Variants in PARN observed in about 807,000 individuals in gnomAD.
PARN encodes poly(A)-specific ribonuclease PARN.
Under a neutral mutation model 102.8 loss-of-function variants are expected in PARN, and 71 were observed. The observed-to-expected ratio is 0.69, with a 90% CI of 0.57 to 0.84. The LOEUF is 0.84. Ranked by LOEUF, PARN falls within the 40% of genes least tolerant of loss-of-function variation. The pLI is 0.00. For missense variants in PARN, 782 were observed against 760.9 expected, an observed-to-expected ratio of 1.03 and a Z score of -0.33; for synonymous variants, 261 against 252.9, an observed-to-expected ratio of 1.03 and a Z score of -0.30.
intron 21 of PARN, among the ~76,000 whole-genome samples, chr16:14,513,669 C>T (rs932328375): frequency 6.6e-6 from 1 of 152,176 alleles, no homozygotes; most frequent in Non-Finnish European, 1.5e-5. Context: ...AACCTGTCGG[C>T]CCTTCTCCCT....
chr16:14,472,057 C>T (rs1032654134), intron 22 of PARN, among the ~76,000 whole-genome samples: 6 of 152,188 alleles, frequency 3.9e-5, no homozygotes, highest in Non-Finnish European at 7.3e-5. Context: ...TCCTGACCTA[C>T]TGGTCCAAGA....
chr16:14,526,110 C>T (rs980106781), intron 21 of PARN, among the ~76,000 whole-genome samples: 3 of 150,454 alleles, frequency 2.0e-5, no homozygotes, highest in Non-Finnish European at 3.0e-5. Flanking sequence ...GAGCCACCAC[C>T]TATAACCAAA....
At chr16:14,597,057 G>A (rs1040073436) in intron 12 of PARN, among the ~76,000 whole-genome samples, 10 of 152,102 alleles carry the variant, frequency 6.6e-5, no homozygotes, top group Admixed American at 1.3e-4. Flanking sequence ...AAAGTACTGG[G>A]ATTACAGGTG....
chr16:14,592,118 CAG>C (rs1970232101), intron 13 of PARN: 1 of 151,704 alleles, frequency 6.6e-6, no homozygotes, highest in Non-Finnish European at 1.5e-5. Context: ...GATCTGGAGA[CAG>C]AGCAAGAGTC....
chr16:14,466,451 C>G (rs1404521687), intron 22 of PARN, among the ~76,000 whole-genome samples: 1 of 152,144 alleles, frequency 6.6e-6, no homozygotes, highest in Non-Finnish European at 1.5e-5. Flanking sequence ...AGCTCTGTTA[C>G]GATTTGGCTT....
chr16:14,537,408 C>T (rs981456351), intron 21 of PARN, among the ~76,000 whole-genome samples: 1 of 152,152 alleles, frequency 6.6e-6, no homozygotes, highest in Non-Finnish European at 1.5e-5. Flanking sequence ...AGAAACAGAA[C>T]TACCATACAA....
At chr16:14,553,981 G>T (rs1967492755) in intron 20 of PARN, 84 bp downstream of exon 20, 2 of 820,188 alleles carry the variant, frequency 2.4e-6, no homozygotes, top group African/African-American at 3.5e-5. Flanking sequence ...TTTATACGCA[G>T]GCCAAAACTA....
chr16:14,459,370 T>C (rs917569186), intron 22 of PARN, among the ~76,000 whole-genome samples: 46 of 152,236 alleles, frequency 3.0e-4, no homozygotes, highest in African/African-American at 1.1e-3. Flanking sequence ...TATTTCTTTA[T>C]ATTAGCAATA....
intron 5 of PARN, among the ~76,000 whole-genome samples, chr16:14,625,150 C>A (rs1972564539): frequency 6.6e-6 from 1 of 151,928 alleles, no homozygotes; most frequent in African/African-American, 2.4e-5. Flanking sequence ...AAACTATATC[C>A]ACACAAATTT....
intron 21 of PARN, among the ~76,000 whole-genome samples, chr16:14,530,457 T>C (rs1966262281): frequency 6.6e-6 from 1 of 151,758 alleles, no homozygotes; most frequent in South Asian, 2.1e-4. Flanking sequence ...CTGTTTACCA[T>C]AACCCTCAAC....
chr16:14,554,238 A>C, intron 19 of PARN, 87 bp from the exon 20 acceptor site: 1 of 839,770 alleles, frequency 1.2e-6, no homozygotes, highest in Non-Finnish European at 1.9e-6. Context: ...AGTCTGAGCT[A>C]ATTTGGAGAA....
chr16:14,464,532 G>T (rs915715757), intron 22 of PARN, among the ~76,000 whole-genome samples: 3 of 152,136 alleles, frequency 2.0e-5, no homozygotes, highest in African/African-American at 7.2e-5. Context: ...GAAGCAGGCA[G>T]ATCACCTGAG....
At chr16:14,612,842 C>T (rs1385849968) in intron 6 of PARN, among the ~76,000 whole-genome samples, 1 of 151,930 alleles carries the variant, frequency 6.6e-6, no homozygotes, top group East Asian at 2.0e-4. Flanking sequence ...GGTCATCTGC[C>T]CATCTCAGCC....
intron 21 of PARN, among the ~76,000 whole-genome samples, chr16:14,498,750 C>T (rs575147073): frequency 2.0e-5 from 3 of 152,230 alleles, no homozygotes; most frequent in East Asian, 1.9e-4. Context: ...TGCCTTGGGA[C>T]GATGAAATTT....
rs1967862167 is a variant in PARN, at chr16:14,558,701, T to C, written c.1263-2992A>G. ...TAAGCAACCAAAATAACTACGAAAA[T>C]GTCAAAACATGGATAACTTATAATT... On this transcript the variant is annotated intron_variant, in intron 18 of 23. Transcript: ENST00000437198. 3.9e-5 allele frequency among the ~76,000 whole-genome samples: 6 copies of C among 152,134 alleles called. No individual in the cohort carries two copies. In the South Asian group the frequency reaches 1.2e-3, roughly 32 times the overall value.
chr16:14,601,279 AAAGG>A (rs1970850053), intron 11 of PARN, among the ~76,000 whole-genome samples: 1 of 152,238 alleles, frequency 6.6e-6, no homozygotes, highest in Non-Finnish European at 1.5e-5. Context: ...CAGCCTTTAA[AAAGG>A]AAGGAAATTC....
Position 14,593,371 on chromosome 16 carries a change from A to T in PARN, c.848T>A (p.Leu283His). 1 of 1,588,636 alleles carries T rather than the reference A, an allele frequency of 6.3e-7. No individual in the cohort carries two copies. Among genetic ancestry groups the T allele is most frequent in the Admixed American group, 1.7e-5 (1 of 59,818 alleles). ...VIHAIANSGK[L>H]VIGHNMLLDV... The stretch of plus-strand genomic sequence containing the variant: ...CAAGAGCATATTGTGTCCAATAACA[A>T]GTTTTCCCTAAAGAAAGTCAAGGTT... Residue 283 changes from leucine (L) to histidine (H), a missense_variant, in exon 13 of 24, where the codon CTT becomes CAT. Transcript: ENST00000437198.
intron 21 of PARN, among the ~76,000 whole-genome samples, chr16:14,514,681 T>G (rs919049706): frequency 1.3e-5 from 2 of 152,198 alleles, no homozygotes; most frequent in Non-Finnish European, 2.9e-5. Flanking sequence ...CCCAAAAGGT[T>G]ACCTTATGGC....
intron 13 of PARN, among the ~76,000 whole-genome samples, chr16:14,588,193 G>A (rs1969972282): frequency 1.3e-5 from 2 of 152,156 alleles, no homozygotes; most frequent in African/African-American, 4.8e-5. Context: ...CAAACATTGA[G>A]AACAACAAGA....
Sources: allele counts gnomAD v4.1 joint callset (sites outside exome capture counted in the v4.1 genomes callset), GRCh38; gene constraint gnomAD v4.1.1; transcripts MANE v1.5; gene names NCBI Gene and HGNC (gene_info 2026-07-23, HGNC 2026-07-21).